Variants in ZBTB10 observed in about 807,000 individuals in gnomAD.
ZBTB10 encodes zinc finger and BTB domain-containing protein 10.
In ZBTB10, 32 loss-of-function variants were observed where a neutral mutation model predicts 76.4. The ratio of observed to expected loss-of-function variants is 0.42; its 90% CI spans 0.32 to 0.56. The LOEUF (loss-of-function observed/expected upper bound fraction) is 0.56, where lower values mean the gene tolerates loss of function less well. Among genes scored for constraint, ZBTB10 ranks in the 20% least tolerant of loss-of-function variants. ZBTB10 has a pLI of 0.14. For missense variants in ZBTB10, 1,057 were observed against 1,098.5 expected (o/e 0.96, Z 0.53); for synonymous variants, 523 against 432.9 (o/e 1.21, Z -2.58).
intron 2 of ZBTB10, among the ~76,000 whole-genome samples, chr8:80,505,602 A>G (rs1816029714): frequency 6.6e-6 from 1 of 152,224 alleles, no homozygotes; most frequent in African/African-American, 2.4e-5. Flanking sequence ...CCTTACAAGT[A>G]GAGTTGAAAT....
chr8:80,486,015 C>T (rs1012701727), upstream of ZBTB10: 7 of 1,065,492 alleles, frequency 6.6e-6, no homozygotes, highest in Non-Finnish European at 9.1e-6. Context: ...GCCTTTTGTC[C>T]CCAACCCCTC....
rs149734946 is a variant in ZBTB10, at chr8:80,504,357, T to A, written c.1861+3975T>A. Among the ~76,000 whole-genome samples, 188 of 152,336 alleles carry A rather than the reference T, an allele frequency of 1.2e-3. 5 individuals are homozygous for A. The East Asian group carries it at 0.034, about 28-fold the overall frequency. On this transcript the variant is annotated intron_variant, in intron 2 of 5. Coordinates refer to ENST00000455036, the MANE Select transcript of ZBTB10 (RefSeq NM_001105539.3). ...GCGGGGGTCTCTTCTAGTTACTGTG[T>A]CTTCCCTCAGGTCTTCAGCACAGAG...
At chr8:80,510,707 G>A (rs113693951) in intron 2 of ZBTB10, among the ~76,000 whole-genome samples, 1 of 151,654 alleles carries the variant, frequency 6.6e-6, no homozygotes, top group Non-Finnish European at 1.5e-5. Flanking sequence ...GTGAGAAGAG[G>A]GGAAAGGAAA....
chr8:80,495,597 C>G (rs1228995939), intron 1 of ZBTB10, among the ~76,000 whole-genome samples: 1 of 151,944 alleles, frequency 6.6e-6, no homozygotes, highest in Non-Finnish European at 1.5e-5. Flanking sequence ...AGAGTCTTAC[C>G]CACTAACAGT....
At position 80,522,702 on chromosome 8, in the gene ZBTB10, C is replaced by T. The variant is rs777118762; in HGVS notation, c.*3174C>T. 2.6e-5 allele frequency: 4 copies of T among 151,604 alleles called. No individual in the cohort carries two copies. Among genetic ancestry groups the T allele is most frequent in the Admixed American group, 1.3e-4 (2 of 15,188 alleles). 9.4% of individuals were successfully genotyped at this position (151,604 alleles called of 1,614,324 possible). A position where few individuals can be genotyped will look rare whatever the true frequency, so the allele number is the denominator to read the frequency against. ...TAATTCATGTAAAGTGCTTAGAACA[C>T]TGGTACATAATAGGTGCATAACACA... On this transcript the variant is annotated 3_prime_UTR_variant, in exon 6 of 6. Transcript: ENST00000455036.
Position 80,523,552 on chromosome 8 carries a change from A to G in ZBTB10, c.*4024A>G, listed in dbSNP as rs1041675017. The G allele has an allele frequency of 1.3e-5, 2 of 151,876 alleles. No individual in the cohort carries two copies. The highest frequency in any genetic ancestry group is 1.5e-5 in the Non-Finnish European group (1 of 67,870). 9.4% of individuals were successfully genotyped at this position (151,876 alleles called of 1,614,324 possible). Reference sequence around the variant, plus strand: ...GTCACCCAGATCCTTAAACTTAACTATGGTACATAATATCCACACTTAGAA... The same window carrying G: ...GTCACCCAGATCCTTAAACTTAACTGTGGTACATAATATCCACACTTAGAA... On this transcript the variant is annotated 3_prime_UTR_variant, in exon 6 of 6. Transcript: ENST00000455036.
intron 2 of ZBTB10, among the ~76,000 whole-genome samples, chr8:80,501,601 A>G (rs1022145852): frequency 2.0e-5 from 3 of 152,198 alleles, no homozygotes; most frequent in Non-Finnish European, 4.4e-5. Flanking sequence ...GCAAAATGCC[A>G]TAGTAATCCT....
At chr8:80,512,712 C>CA (rs35968119) in intron 2 of ZBTB10, among the ~76,000 whole-genome samples, 1 of 151,130 alleles carries the variant, frequency 6.6e-6, no homozygotes, top group African/African-American at 2.4e-5. Flanking sequence ...ACCCTGTCTC[C>CA]AAAAAAAAGT....
rs1273641280 is a variant in ZBTB10 at position 80,522,414 on chromosome 8, T to G, written c.*2886T>G. 3 of 152,000 alleles carry G rather than the reference T, an allele frequency of 2.0e-5. No homozygotes were observed. The highest frequency in any genetic ancestry group is 4.4e-5 in the Non-Finnish European group (3 of 67,880). 9.4% of individuals were successfully genotyped at this position (152,000 alleles called of 1,614,324 possible). On this transcript the variant is annotated 3_prime_UTR_variant, in exon 6 of 6. Transcript: ENST00000455036. ...TATAAACTTTCTTTCATATTCACTCTGTAGTTACAGACCGTCTCATAAATC... is the reference window on the plus strand; with the variant it reads ...TATAAACTTTCTTTCATATTCACTCGGTAGTTACAGACCGTCTCATAAATC...
intron 2 of ZBTB10, among the ~76,000 whole-genome samples, chr8:80,506,615 G>GA (rs1282608369): frequency 6.9e-6 from 1 of 145,108 alleles, no homozygotes; most frequent in African/African-American, 2.7e-5. Context: ...TTGCAGGCGT[G>GA]AGCCAGCACG....
At chr8:80,513,146 TG>T (rs1346504891) in intron 2 of ZBTB10, among the ~76,000 whole-genome samples, 6 of 151,510 alleles carry the variant, frequency 4.0e-5, no homozygotes, top group African/African-American at 1.2e-4. Flanking sequence ...TGACAAAAAC[TG>T]TTTTTTCTTT....
Position 80,521,849 on chromosome 8 carries a change from T to C in ZBTB10, c.*2321T>C, listed in dbSNP as rs1816455728. 1 of 151,892 alleles carries C rather than the reference T, an allele frequency of 6.6e-6. No individual in the cohort carries two copies. The highest frequency in any genetic ancestry group is 2.4e-5 in the African/African-American group (1 of 41,444). 9.4% of individuals were successfully genotyped at this position (151,892 alleles called of 1,614,324 possible). A position where few individuals can be genotyped will look rare whatever the true frequency, so the allele number is the denominator to read the frequency against. ...GATGTAGATGGCTTGTTACTGTTAA[T>C]TTAAAATATTCTATAATTGTCCATT... is the stretch of plus-strand genomic sequence containing the variant. On this transcript the variant is annotated 3_prime_UTR_variant, in exon 6 of 6. Transcript: ENST00000455036.
chr8:80,503,135 C>A (rs1163676564), intron 2 of ZBTB10, among the ~76,000 whole-genome samples: 1 of 152,148 alleles, frequency 6.6e-6, no homozygotes, highest in Non-Finnish European at 1.5e-5. Context: ...GCCACCTACC[C>A]CCTGTAGTCC....
upstream of ZBTB10, chr8:80,486,097 C>A (rs1815440024): frequency 3.0e-6 from 2 of 661,642 alleles, no homozygotes; most frequent in African/African-American, 2.0e-5. Context: ...TTTCCCGGTC[C>A]CCTGGCGCCC....
intron 1 of ZBTB10, among the ~76,000 whole-genome samples, chr8:80,491,371 C>G (rs1391087078): frequency 6.6e-6 from 1 of 152,164 alleles, no homozygotes; most frequent in African/African-American, 2.4e-5. Context: ...TTTGTGTACG[C>G]TAAGGCACAG....
chr8:80,499,953 G>A lies in ZBTB10; in HGVS notation c.1432G>A (p.Asp478Asn). The change falls in exon 2 of 6, where the codon GAC (aspartate) becomes AAC (asparagine). Residue 478 changes from aspartate (D) to asparagine (N), a missense_variant. This residue lies in a region of ZBTB10 where 306 missense variants were observed against 297.5 expected (regional missense o/e 1.03). Coordinates refer to ENST00000455036, the MANE Select transcript of ZBTB10 (RefSeq NM_001105539.3). The part of the protein sequence containing the change: ...KSEAPESVVV[D>N]YNNRKPVNRD... ...AGAAGCTCCAGAGTCTGTAGTTGTG[G>A]ACTATAATAATAGAAAACCAGTTAA... The A allele has an allele frequency of 6.2e-7, 1 of 1,613,854 alleles. No homozygotes were observed.
chr8:80,499,378 A>T, intron 1 of ZBTB10, 116 bp from the exon 2 acceptor site: 1 of 1,165,356 alleles, frequency 8.6e-7, no homozygotes, highest in South Asian at 1.9e-5. Flanking sequence ...TTGATTACTC[A>T]CAAATTAATA....
rs368885000 is a variant in ZBTB10 at position 80,519,401 on chromosome 8, G to A, written c.2489G>A (p.Arg830Gln). ...VDQGQDTEFP[R>Q]DEEYEENEVG... is the part of the protein sequence containing the mutation. ...CAGGGACAGGATACAGAATTCCCTC[G>A]GGATGAAGAATACGAGGAGAATGAA... is the stretch of plus-strand genomic sequence containing the variant. The change falls in exon 6 of 6, where the codon CGG becomes CAG. Residue 830 changes from arginine to glutamine, a missense_variant. By Grantham distance (43) the Arg-to-Gln change is conservative. Transcript: ENST00000455036. 2.5e-6 allele frequency: 4 copies of A among 1,597,512 alleles called. No individual in the cohort carries two copies. The highest frequency in any genetic ancestry group is 1.1e-5 in the South Asian group (1 of 90,166).
At position 80,519,303 on chromosome 8, in the gene ZBTB10, T is replaced by C; in HGVS notation, c.2391T>C (p.His797=). 1.2e-6 allele frequency: 2 copies of C among 1,613,826 alleles called. No individual in the cohort carries two copies. The highest frequency in any genetic ancestry group is 1.7e-6 in the Non-Finnish European group (2 of 1,179,804). ...FMLAASVGIR[H]GSRRYGVCVD... ...TAGCAGCCAGTGTTGGAATAAGACA[T>C]GGATCTCGACGTTATGGTGTTTGTG... Residue 797 remains histidine (H), a synonymous_variant, in exon 6 of 6, where the codon CAT becomes CAC. Coordinates refer to ENST00000455036, the MANE Select transcript of ZBTB10 (RefSeq NM_001105539.3).
Sources: allele counts gnomAD v4.1 joint callset (sites outside exome capture counted in the v4.1 genomes callset), GRCh38; gene constraint gnomAD v4.1.1; regional missense constraint gnomAD v4.1.1; transcripts MANE v1.5; gene names NCBI Gene and HGNC (gene_info 2026-07-23, HGNC 2026-07-21).